The following PLXNA4 variants were observed in gnomAD, a reference collection of about 807,000 sequenced individuals.
PLXNA4 encodes the protein plexin-A4.
A neutral mutation model predicts 191.8 loss-of-function variants in PLXNA4; 44 were observed. The observed-to-expected ratio is 0.23, with a 90% CI of 0.18 to 0.29. PLXNA4 has a LOEUF of 0.29. Ranked by LOEUF, PLXNA4 falls within the 10% of genes least tolerant of loss-of-function variation. The pLI is 1.00. For synonymous variants in PLXNA4, 1,082 were observed against 1,009.5 expected (o/e 1.07, Z -1.36); for missense variants, 1,800 against 2,488.8 (o/e 0.72, Z 5.89).
At chr7:132,505,496 G>A (rs1798427442) in intron 2 of PLXNA4, among the ~76,000 whole-genome samples, 1 of 152,180 alleles carries the variant, frequency 6.6e-6, no homozygotes, top group Non-Finnish European at 1.5e-5. Flanking sequence ...TTTAGTAAGT[G>A]CACAGTATAA....
chr7:132,443,252 A>G (rs1261046608), intron 3 of PLXNA4, among the ~76,000 whole-genome samples: 1 of 152,048 alleles, frequency 6.6e-6, no homozygotes, highest in Admixed American at 6.6e-5. Context: ...GCCAAGGCAA[A>G]TCCAATCAGC....
At chr7:132,321,837 T>G (rs1802180423) in intron 3 of PLXNA4, among the ~76,000 whole-genome samples, 1 of 151,666 alleles carries the variant, frequency 6.6e-6, no homozygotes, top group South Asian at 2.1e-4. Flanking sequence ...CCAGGAGAGT[T>G]TCAAGTTTCT....
In PLXNA4 at chr7:132,172,117, C is replaced by T. The variant is rs374488743; in HGVS notation, c.4017+2661G>A. On this transcript the variant is annotated intron_variant, in intron 21 of 31. Coordinates refer to ENST00000321063, the MANE Select transcript of PLXNA4 (RefSeq NM_020911.2). ...TGGTCAGGAGTGTCCAAAACAGTTC[C>T]TCACTGTTGCCTGCCACCCTCCCCA... Among the ~76,000 whole-genome samples the T allele has an allele frequency of 1.1e-4, 17 of 152,282 alleles. No homozygotes were observed. The East Asian group carries it at 2.1e-3, about 19-fold the overall frequency.
chr7:132,304,051 A>G (rs547165380), intron 3 of PLXNA4, among the ~76,000 whole-genome samples: 1 of 152,360 alleles, frequency 6.6e-6, no homozygotes, highest in Admixed American at 6.5e-5. Context: ...ATTTACTCAA[A>G]GCCACCTTAG....
intron 1 of PLXNA4, among the ~76,000 whole-genome samples, chr7:132,559,078 C>A (rs1329029331): frequency 6.6e-6 from 1 of 152,122 alleles, no homozygotes; most frequent in Non-Finnish European, 1.5e-5. Flanking sequence ...CTTCTTAGAG[C>A]CCCAGGCCTT....
At chr7:132,540,569 C>CTTTTTTTTTTTTTTTTTTTT (rs71915138) in intron 1 of PLXNA4, among the ~76,000 whole-genome samples, 1 of 61,008 alleles carries the variant, frequency 1.6e-5, no homozygotes, top group African/African-American at 7.1e-5. Context: ...GTGGACCGTT[C>CTTTTTTTTTTTTTTTTTTTT]TTTTTTTTTT....
intron 3 of PLXNA4, among the ~76,000 whole-genome samples, chr7:132,410,716 G>A (rs1180904717): frequency 6.6e-6 from 1 of 152,204 alleles, no homozygotes; most frequent in African/African-American, 2.4e-5. Flanking sequence ...CCCTCCCCAA[G>A]GCGCTGGTGG....
chr7:132,563,098 TCCTCCTCCTCTC>T (rs1319512811), intron 1 of PLXNA4, among the ~76,000 whole-genome samples: 6 of 100,726 alleles, frequency 6.0e-5, no homozygotes, highest in South Asian at 5.1e-4. Flanking sequence ...CTCTTCTTCC[TCCTCCTCCTCTC>T]CCTCCTCCTC....
At chr7:132,309,882 A>G (rs1480040694) in intron 3 of PLXNA4, among the ~76,000 whole-genome samples, 2 of 152,168 alleles carry the variant, frequency 1.3e-5, no homozygotes, top group African/African-American at 4.8e-5. Flanking sequence ...GACTCAATAA[A>G]TCAACTGCAC....
At chr7:132,588,796 AG>A (rs1279173514) in intron 2 of PLXNA4, among the ~76,000 whole-genome samples, 2 of 150,066 alleles carry the variant, frequency 1.3e-5, no homozygotes, top group African/African-American at 4.9e-5. Flanking sequence ...AAAAGAAAGA[AG>A]AAAGAAAGAA....
At chr7:132,578,430 C>T (rs1236374664), upstream of PLXNA4, among the ~76,000 whole-genome samples, 2 of 152,208 alleles carry the variant, frequency 1.3e-5, no homozygotes, top group Non-Finnish European at 2.9e-5. Context: ...AAACTCCCGC[C>T]CATTACTGTC....
At chr7:132,626,151 T>C (rs1019168924) in intron 2 of PLXNA4, among the ~76,000 whole-genome samples, 8 of 152,178 alleles carry the variant, frequency 5.3e-5, no homozygotes, top group Admixed American at 5.2e-4. Context: ...ACCAATCAAG[T>C]AGGCCTTGTA....
intron 4 of PLXNA4, among the ~76,000 whole-genome samples, chr7:132,295,714 A>C (rs1801051826): frequency 6.6e-6 from 1 of 152,092 alleles, no homozygotes; most frequent in Non-Finnish European, 1.5e-5. Flanking sequence ...GCTCCAACCC[A>C]GATGGACCAT....
intron 4 of PLXNA4, among the ~76,000 whole-genome samples, chr7:132,254,395 G>A (rs1799360742): frequency 6.6e-6 from 1 of 152,196 alleles, no homozygotes; most frequent in Non-Finnish European, 1.5e-5. Context: ...GTGAGTAAAG[G>A]GTTGTGTGCA....
At chr7:132,450,604 G>A (rs1384198236) in intron 3 of PLXNA4, among the ~76,000 whole-genome samples, 1 of 152,218 alleles carries the variant, frequency 6.6e-6, no homozygotes, top group African/African-American at 2.4e-5. Context: ...GGACTGGGAA[G>A]GCTGGAAAGG....
At chr7:132,341,749 T>A (rs950698856) in intron 3 of PLXNA4, among the ~76,000 whole-genome samples, 2 of 152,214 alleles carry the variant, frequency 1.3e-5, no homozygotes, top group African/African-American at 4.8e-5. Flanking sequence ...CTGAGTATTT[T>A]AGGGTTGAGT....
chr7:132,343,619 C>T (rs755916535), intron 3 of PLXNA4, among the ~76,000 whole-genome samples: 4 of 152,124 alleles, frequency 2.6e-5, no homozygotes, highest in Non-Finnish European at 5.9e-5. Flanking sequence ...ATTTGGCTTC[C>T]CTTAGAACAC....
At chr7:132,339,184 T>C (rs1439741247) in intron 3 of PLXNA4, among the ~76,000 whole-genome samples, 1 of 152,150 alleles carries the variant, frequency 6.6e-6, no homozygotes, top group Non-Finnish European at 1.5e-5. Flanking sequence ...AAACTGAGAC[T>C]CCGCAAAACA....
At chr7:132,178,841 TATATAC>T (rs769666189) in intron 20 of PLXNA4, among the ~76,000 whole-genome samples, 2 of 42,036 alleles carry the variant, frequency 4.8e-5, no homozygotes, top group African/African-American at 1.7e-4. Flanking sequence ...CACATACACA[TATATAC>T]ACACACACAC....
Sources: gnomAD v4.1 joint callset for allele counts (sites outside exome capture counted in the v4.1 genomes callset) on GRCh38, gnomAD v4.1.1 for gene constraint, MANE v1.5 for transcripts, NCBI Gene and HGNC (gene_info 2026-07-23, HGNC 2026-07-21) for gene names.